ZCCHC7: variants seen among roughly 807,000 people sequenced by gnomAD.
The protein encoded by ZCCHC7 is zinc finger CCHC-type containing 7, also known as zinc finger CCHC domain-containing protein 7.
Under a neutral mutation model 52.0 loss-of-function variants are expected in ZCCHC7, and 35 were observed. That is an observed-to-expected ratio of 0.67 (90% CI 0.51 to 0.89). The LOEUF (loss-of-function observed/expected upper bound fraction) is 0.89, where lower values mean the gene tolerates loss of function less well. Ranked by LOEUF, ZCCHC7 falls within the 40% of genes least tolerant of loss-of-function variation. The pLI is 0.00. For missense variants in ZCCHC7, 574 were observed against 649.1 expected, an observed-to-expected ratio of 0.88 and a Z score of 1.26; for synonymous variants, 217 against 221.5, an observed-to-expected ratio of 0.98 and a Z score of 0.18.
intron 2 of ZCCHC7, among the ~76,000 whole-genome samples, chr9:37,268,701 C>T (rs1827236279): frequency 6.6e-6 from 1 of 152,324 alleles, no homozygotes; most frequent in Middle Eastern, 3.4e-3. Context: ...GCTGGGATTA[C>T]AGGCGTGAGC....
At chr9:37,290,208 G>A (rs150435638) in intron 2 of ZCCHC7, among the ~76,000 whole-genome samples, 39 of 152,316 alleles carry the variant, frequency 2.6e-4, no homozygotes, top group African/African-American at 9.1e-4. Flanking sequence ...GCTTGCAAAT[G>A]ATAGTAACTG....
At chr9:37,219,305 TA>T (rs1193598061) in intron 2 of ZCCHC7, among the ~76,000 whole-genome samples, 1 of 152,204 alleles carries the variant, frequency 6.6e-6, no homozygotes, top group Non-Finnish European at 1.5e-5. Context: ...GCAGAGTTAG[TA>T]GTTGTGACAG....
intron 2 of ZCCHC7, among the ~76,000 whole-genome samples, chr9:37,159,745 A>G (rs1168261414): frequency 6.6e-6 from 1 of 152,240 alleles, no homozygotes; most frequent in East Asian, 1.9e-4. Context: ...GAATTCCTGT[A>G]GAACCTCTGT....
intron 2 of ZCCHC7, among the ~76,000 whole-genome samples, chr9:37,285,812 G>A (rs1163674171): frequency 6.6e-6 from 1 of 152,114 alleles, no homozygotes; most frequent in East Asian, 1.9e-4. Flanking sequence ...CTTACTATGT[G>A]ACAAACACCA....
At chr9:37,141,779 T>A (rs1245112117) in intron 2 of ZCCHC7, among the ~76,000 whole-genome samples, 1 of 151,906 alleles carries the variant, frequency 6.6e-6, no homozygotes, top group Non-Finnish European at 1.5e-5. Flanking sequence ...CAAATAAGCA[T>A]ATGAACATGC....
chr9:37,148,592 TA>T (rs1843545510), intron 2 of ZCCHC7, among the ~76,000 whole-genome samples: 1 of 152,220 alleles, frequency 6.6e-6, no homozygotes, highest in African/African-American at 2.4e-5. Context: ...GTACCTGTTA[TA>T]AAGGTAACAC....
chr9:37,295,534 A>G (rs1289221306), intron 2 of ZCCHC7, among the ~76,000 whole-genome samples: 1 of 152,150 alleles, frequency 6.6e-6, no homozygotes, highest in Admixed American at 6.6e-5. Context: ...TCTGGGTAAG[A>G]TATTAAGTGG....
chr9:37,163,820 T>A (rs952692605), intron 2 of ZCCHC7, among the ~76,000 whole-genome samples: 4 of 152,228 alleles, frequency 2.6e-5, no homozygotes, highest in African/African-American at 9.6e-5. Context: ...AGGCTTAATA[T>A]TTAGGTTTTT....
intron 2 of ZCCHC7, among the ~76,000 whole-genome samples, chr9:37,205,966 G>C (rs902181534): frequency 6.7e-6 from 1 of 149,678 alleles, no homozygotes; most frequent in South Asian, 2.2e-4. Context: ...ATGATATTTT[G>C]GTGAATTGAC....
At chr9:37,331,254 G>A (rs928120945) in intron 6 of ZCCHC7, among the ~76,000 whole-genome samples, 1 of 151,572 alleles carries the variant, frequency 6.6e-6, no homozygotes, top group African/African-American at 2.4e-5. Context: ...AGAAATGAGT[G>A]TGCTTGACTT....
chr9:37,176,678 C>T (rs1301076338), intron 2 of ZCCHC7, among the ~76,000 whole-genome samples: 1 of 151,650 alleles, frequency 6.6e-6, no homozygotes, highest in Non-Finnish European at 1.5e-5. Flanking sequence ...ATTAGTAATG[C>T]TTCTAAATGT....
chr9:37,161,301 G>A (rs1320755381), intron 2 of ZCCHC7, among the ~76,000 whole-genome samples: 6 of 152,112 alleles, frequency 3.9e-5, no homozygotes, highest in East Asian at 3.9e-4. Flanking sequence ...GCAGCTGGGC[G>A]CGGTGGCTCA....
chr9:37,299,274 G>A (rs1828926487), intron 2 of ZCCHC7, among the ~76,000 whole-genome samples: 2 of 152,188 alleles, frequency 1.3e-5, no homozygotes, highest in South Asian at 4.1e-4. Flanking sequence ...ATTACCTTGT[G>A]CTAGTTGCAA....
intron 6 of ZCCHC7, among the ~76,000 whole-genome samples, chr9:37,331,724 T>C (rs534884579): frequency 1.3e-5 from 2 of 151,812 alleles, no homozygotes; most frequent in African/African-American, 4.8e-5. Flanking sequence ...CAGAATCTTT[T>C]CTTTTCCTGG....
At chr9:37,277,789 A>G (rs950607733) in intron 2 of ZCCHC7, among the ~76,000 whole-genome samples, 2 of 152,190 alleles carry the variant, frequency 1.3e-5, no homozygotes, top group Admixed American at 1.3e-4. Flanking sequence ...ATTGTCAAAT[A>G]TTTGATCCTT....
At chr9:37,135,158 A>G (rs921011105) in intron 2 of ZCCHC7, among the ~76,000 whole-genome samples, 3 of 152,342 alleles carry the variant, frequency 2.0e-5, no homozygotes, top group African/African-American at 4.8e-5. Context: ...TTCTAGGACT[A>G]TGAACTATTT....
intron 2 of ZCCHC7, among the ~76,000 whole-genome samples, chr9:37,170,448 A>C (rs1821668780): frequency 6.6e-6 from 1 of 152,134 alleles, no homozygotes; most frequent in Non-Finnish European, 1.5e-5. Context: ...TGTTGAGGAG[A>C]GTTCTGAGAG....
At chr9:37,193,728 C>T (rs1823138111) in intron 2 of ZCCHC7, among the ~76,000 whole-genome samples, 1 of 152,118 alleles carries the variant, frequency 6.6e-6, no homozygotes, top group African/African-American at 2.4e-5. Flanking sequence ...TATGCAGTTT[C>T]TATCCTCAGC....
Position 37,126,396 on chromosome 9 carries a change from T to C in ZCCHC7, c.64T>C (p.Ser22Pro), listed in dbSNP as rs747366738. The stretch of plus-strand genomic sequence containing the variant: ...AGATGATCTTTATCGAGATGAGTCA[T>C]CTAGTGAACTGAGTGTTGATAGTGA... ...YEDDLYRDES[S>P]SELSVDSEVE... Residue 22 changes from serine (S) to proline (P), a missense_variant, in exon 2 of 9, where the codon TCT (serine) becomes CCT (proline). Ser to Pro is a moderately conservative substitution (Grantham distance 74, BLOSUM62 -1). Transcript: ENST00000336755. The C allele has an allele frequency of 6.2e-7, 1 of 1,614,170 alleles. No individual in the cohort carries two copies. The highest frequency in any genetic ancestry group is 1.7e-5 in the Admixed American group (1 of 60,032).
Sources: gnomAD v4.1 joint callset for allele counts (sites outside exome capture counted in the v4.1 genomes callset) on GRCh38, gnomAD v4.1.1 for gene constraint, MANE v1.5 for transcripts, NCBI Gene and HGNC (gene_info 2026-07-23, HGNC 2026-07-21) for gene names.